The following CDH18 variants were observed in gnomAD, a reference collection of about 807,000 sequenced individuals.
The protein encoded by CDH18 is cadherin 18, also known as cadherin-18.
In CDH18, 31 loss-of-function variants were observed where a neutral mutation model predicts 67.9. The ratio of observed to expected loss-of-function variants is 0.46; its 90% CI spans 0.34 to 0.62. CDH18 has a LOEUF of 0.62. CDH18 is among the 20% of genes least tolerant of loss of function. The pLI, the probability that CDH18 is intolerant of heterozygous loss-of-function variation, is 0.01. For missense variants in CDH18, 890 were observed against 975.5 expected (o/e 0.91, Z 1.17); for synonymous variants, 362 against 347.2 (o/e 1.04, Z -0.48).
At position 20,071,687 on chromosome 5, in the gene CDH18, T is replaced by A. The variant is rs148905587; in HGVS notation, c.-517-79673A>T. ...ATAGTTAAACTATAAAAGAATAAAATATCCTACTTTATTCTTGTAATATTT... is the reference window on the plus strand; with the variant it reads ...ATAGTTAAACTATAAAAGAATAAAAAATCCTACTTTATTCTTGTAATATTT... On this transcript the variant is annotated intron_variant, in intron 2 of 14. Transcript: ENST00000507958. Among the ~76,000 whole-genome samples, 39 of 152,232 alleles carry A rather than the reference T, an allele frequency of 2.6e-4. No homozygotes were observed. In the East Asian group the frequency reaches 7.3e-3, roughly 29 times the overall value.
chr5:20,434,661 T>G (rs958768539), intron 1 of CDH18, among the ~76,000 whole-genome samples: 2 of 152,160 alleles, frequency 1.3e-5, no homozygotes, highest in Non-Finnish European at 2.9e-5. Context: ...ATTTCTTAAG[T>G]CTTCAGTGGT....
chr5:19,719,907 A>AAGAAAGAAAGAAAG (rs753921243), intron 5 of CDH18, among the ~76,000 whole-genome samples: 129 of 62,076 alleles, frequency 2.1e-3, no homozygotes, highest in African/African-American at 4.7e-3. Context: ...AAGCAAGAGA[A>AAGAAAGAAAGAAAG]AGAAAGAAAG....
chr5:20,186,916 G>T (rs1006092324), intron 2 of CDH18, among the ~76,000 whole-genome samples: 24 of 151,826 alleles, frequency 1.6e-4, no homozygotes, highest in Non-Finnish European at 3.4e-4. Context: ...TAGAAAAATG[G>T]ATAAACAAAA....
At chr5:19,806,766 T>G (rs1270208972) in intron 3 of CDH18, among the ~76,000 whole-genome samples, 1 of 152,204 alleles carries the variant, frequency 6.6e-6, no homozygotes, top group African/African-American at 2.4e-5. Flanking sequence ...TAACCTACAT[T>G]TGATTTTCTG....
At chr5:19,561,698 C>G (rs1739479812) in intron 8 of CDH18, among the ~76,000 whole-genome samples, 1 of 151,960 alleles carries the variant, frequency 6.6e-6, no homozygotes, top group Non-Finnish European at 1.5e-5. Flanking sequence ...AGTTGTATGA[C>G]TAAATGTGTT....
At chr5:19,822,075 A>G (rs887097329) in intron 3 of CDH18, among the ~76,000 whole-genome samples, 10 of 152,178 alleles carry the variant, frequency 6.6e-5, no homozygotes, top group African/African-American at 2.4e-4. Flanking sequence ...ATAAACAGCT[A>G]ACAACATCAC....
At chr5:19,699,227 G>A (rs1009514014) in intron 5 of CDH18, among the ~76,000 whole-genome samples, 1 of 152,008 alleles carries the variant, frequency 6.6e-6, no homozygotes, top group African/African-American at 2.4e-5. Flanking sequence ...CTCATATTTT[G>A]CATTAGGTTA....
rs958653658 is a variant in CDH18, at chr5:20,485,476, T to C, written c.-580+89986A>G. Among the ~76,000 whole-genome samples the C allele has an allele frequency of 4.6e-5, 7 of 152,176 alleles. No individual in the cohort carries two copies. The South Asian group carries it at 8.3e-4, about 18-fold the overall frequency. On this transcript the variant is annotated intron_variant, in intron 1 of 14. Transcript: ENST00000507958. ...GTGGAAGGATGATAAAAACTAAATATGTTAATTGTGTGTATACAGTTTTTG... is the reference window on the plus strand; with the variant it reads ...GTGGAAGGATGATAAAAACTAAATACGTTAATTGTGTGTATACAGTTTTTG...
At chr5:20,563,434 GCTT>G (rs1758330106) in intron 1 of CDH18, among the ~76,000 whole-genome samples, 1 of 152,046 alleles carries the variant, frequency 6.6e-6, no homozygotes, top group Admixed American at 6.6e-5. Context: ...GTCTAGAATG[GCTT>G]CTTAATCTTC....
intron 1 of CDH18, among the ~76,000 whole-genome samples, chr5:20,451,204 T>C (rs1750420218): frequency 6.6e-6 from 1 of 152,230 alleles, no homozygotes; most frequent in South Asian, 2.1e-4. Flanking sequence ...TATGTCTTTT[T>C]TCATCAATGT....
chr5:20,262,140 G>T (rs1187549771), intron 1 of CDH18, among the ~76,000 whole-genome samples: 1 of 152,046 alleles, frequency 6.6e-6, no homozygotes, highest in Non-Finnish European at 1.5e-5. Context: ...TTAGTGTAGG[G>T]GTCATTTGTA....
At chr5:19,768,225 TCAGA>T (rs1422093917) in intron 3 of CDH18, among the ~76,000 whole-genome samples, 3 of 152,158 alleles carry the variant, frequency 2.0e-5, no homozygotes, top group Non-Finnish European at 4.4e-5. Context: ...CAGAGGTTTT[TCAGA>T]AACAATCAGA....
intron 2 of CDH18, among the ~76,000 whole-genome samples, chr5:19,854,949 T>G (rs1026118413): frequency 4.6e-5 from 7 of 151,508 alleles, no homozygotes; most frequent in African/African-American, 1.5e-4. Context: ...GTTTTGTTTT[T>G]TTTTTTCTAG....
At chr5:20,163,336 C>A (rs1050763318) in intron 2 of CDH18, among the ~76,000 whole-genome samples, 1 of 151,940 alleles carries the variant, frequency 6.6e-6, no homozygotes, top group Non-Finnish European at 1.5e-5. Flanking sequence ...CCCCAATTTT[C>A]TAAAAAAAGT....
chr5:20,218,902 A>G (rs1440311492), intron 2 of CDH18, among the ~76,000 whole-genome samples: 4 of 152,008 alleles, frequency 2.6e-5, no homozygotes, highest in Non-Finnish European at 4.4e-5. Flanking sequence ...GTTTATAGCA[A>G]TAAGTGCCAG....
chr5:20,240,523 C>T (rs542171797), intron 2 of CDH18, among the ~76,000 whole-genome samples: 2 of 152,246 alleles, frequency 1.3e-5, no homozygotes, highest in African/African-American at 4.8e-5. Context: ...TTCATTACTT[C>T]CTTCTTTCAA....
At chr5:20,538,738 T>A (rs1474411872) in intron 1 of CDH18, among the ~76,000 whole-genome samples, 1 of 152,064 alleles carries the variant, frequency 6.6e-6, no homozygotes, top group Non-Finnish European at 1.5e-5. Flanking sequence ...CAGCTTCTCA[T>A]CTTCTTGATG....
At chr5:20,326,314 T>C (rs1476814866) in intron 1 of CDH18, among the ~76,000 whole-genome samples, 1 of 152,152 alleles carries the variant, frequency 6.6e-6, no homozygotes, top group East Asian at 1.9e-4. Context: ...CTTGTTACCA[T>C]TTATATATTT....
At chr5:19,535,049 T>G (rs934561324) in intron 9 of CDH18, among the ~76,000 whole-genome samples, 1 of 152,196 alleles carries the variant, frequency 6.6e-6, no homozygotes, top group Non-Finnish European at 1.5e-5. Context: ...ATTACAGCCC[T>G]AATCAAAATC....
Sources: gnomAD v4.1 joint callset for allele counts (sites outside exome capture counted in the v4.1 genomes callset) on GRCh38, gnomAD v4.1.1 for gene constraint, MANE v1.5 for transcripts, NCBI Gene and HGNC (gene_info 2026-07-23, HGNC 2026-07-21) for gene names.